Variants in SRGAP1 observed in about 807,000 individuals in gnomAD.
SRGAP1 encodes the protein SLIT-ROBO Rho GTPase-activating protein 1.
Under a neutral mutation model 121.9 loss-of-function variants are expected in SRGAP1, and 43 were observed. The ratio of observed to expected loss-of-function variants is 0.35; its 90% CI spans 0.28 to 0.46. The LOEUF is 0.46. SRGAP1 is among the 20% of genes least tolerant of loss of function. The pLI is 1.00. For missense variants in SRGAP1, 1,102 were observed against 1,350.9 expected (o/e 0.82, Z 2.89); for synonymous variants, 447 against 485.4 (o/e 0.92, Z 1.04).
At chr12:63,969,821 T>G (rs147214183) in intron 1 of SRGAP1, among the ~76,000 whole-genome samples, 1,943 of 151,222 alleles carry the variant, frequency 0.013, 22 homozygotes, top group Non-Finnish European at 0.02. Context: ...AACTAAAAAA[T>G]CTACTGTCCT....
intron 6 of SRGAP1, among the ~76,000 whole-genome samples, chr12:64,058,844 T>C (rs1327532052): frequency 6.6e-6 from 1 of 152,180 alleles, no homozygotes. Context: ...GTGACTAGCC[T>C]TGCTGTCTCA....
intron 1 of SRGAP1, among the ~76,000 whole-genome samples, chr12:63,931,391 G>GA (rs903754768): frequency 7.9e-5 from 12 of 152,252 alleles, no homozygotes; most frequent in African/African-American, 2.9e-4. Flanking sequence ...CATTTCACTG[G>GA]AAAAAATTTT....
At chr12:63,872,480 C>T (rs1342889384) in intron 1 of SRGAP1, among the ~76,000 whole-genome samples, 1 of 152,186 alleles carries the variant, frequency 6.6e-6, no homozygotes, top group Non-Finnish European at 1.5e-5. Context: ...TTTGTCCTTT[C>T]TCCTTTTTTC....
chr12:64,135,364 G>C (rs2036842763), intron 21 of SRGAP1, among the ~76,000 whole-genome samples: 1 of 152,138 alleles, frequency 6.6e-6, no homozygotes, highest in African/African-American at 2.4e-5. Flanking sequence ...TTCTTTATCT[G>C]TGGGAGATAA....
At chr12:64,129,975 G>GTTTGTTGTT (rs148026849) in intron 21 of SRGAP1, among the ~76,000 whole-genome samples, 99 of 151,236 alleles carry the variant, frequency 6.5e-4, no homozygotes, top group Middle Eastern at 3.4e-3. Context: ...AGCAGGTCGT[G>GTTTGTTGTT]GTTGTTGTTG....
chr12:64,055,630 A>G (rs1225966670), intron 6 of SRGAP1, among the ~76,000 whole-genome samples: 1 of 152,042 alleles, frequency 6.6e-6, no homozygotes, highest in Non-Finnish European at 1.5e-5. Flanking sequence ...TAACCAAAAC[A>G]GCATGGTACT....
In SRGAP1 at chr12:63,910,730, C is replaced by T. The variant is rs76308495; in HGVS notation, c.67+65847C>T. Among the ~76,000 whole-genome samples, 1,026 of 152,218 alleles carry T rather than the reference C, an allele frequency of 6.7e-3. 5 individuals carry two copies. The highest frequency in any genetic ancestry group is 0.023 in the African/African-American group (971 of 41,518). The stretch of plus-strand genomic sequence containing the variant: ...TTTGTTGCTCGTGGTTATAGGTACA[C>T]CATAATATTTTCTCTTGTGCTTTTA... On this transcript the variant is annotated intron_variant, in intron 1 of 21. Coordinates refer to ENST00000355086, the MANE Select transcript of SRGAP1 (RefSeq NM_020762.4).
In SRGAP1 at chr12:64,153,295, T is replaced by A. The variant is rs1390648755; in HGVS notation, c.*10623T>A. ...GGCCAGAATGTGGACAGAGATCAGA[T>A]TTTGGAGGCCAAAGTAAGGTACTTA... On this transcript the variant is annotated 3_prime_UTR_variant, in exon 22 of 22. Coordinates refer to ENST00000355086, the MANE Select transcript of SRGAP1 (RefSeq NM_020762.4). 1.3e-5 allele frequency: 2 copies of A among 152,004 alleles called. No individual in the cohort carries two copies. Among genetic ancestry groups the A allele is most frequent in the Admixed American group, 6.6e-5 (1 of 15,250 alleles). 9.4% of individuals were successfully genotyped at this position (152,004 alleles called of 1,614,324 possible). A position where few individuals can be genotyped will look rare whatever the true frequency, so the allele number is the denominator to read the frequency against.
chr12:63,972,576 C>T lies in SRGAP1; in HGVS notation c.68-11371C>T, dbSNP rs961279788. Among the ~76,000 whole-genome samples the T allele has an allele frequency of 3.3e-5, 5 of 152,250 alleles. 1 individual carries two copies. The highest frequency in any genetic ancestry group is 3.3e-4 in the Admixed American group (5 of 15,290). ...TAGTATACTTATTGAAACAGATGTA[C>T]ACCAGAGATAGTTGTTGAGTACCTA... On this transcript the variant is annotated intron_variant, in intron 1 of 21. Coordinates refer to ENST00000355086, the MANE Select transcript of SRGAP1 (RefSeq NM_020762.4).
At chr12:64,014,470 G>C (rs1032655460) in intron 3 of SRGAP1, among the ~76,000 whole-genome samples, 2 of 152,190 alleles carry the variant, frequency 1.3e-5, no homozygotes, top group Non-Finnish European at 2.9e-5. Flanking sequence ...CTGGAGGATG[G>C]AGGCTGGGAG....
At chr12:63,859,862 A>AT (rs1277253068) in intron 1 of SRGAP1, among the ~76,000 whole-genome samples, 253 of 152,266 alleles carry the variant, frequency 1.7e-3, no homozygotes, top group African/African-American at 5.7e-3. Context: ...TCCCTAATAA[A>AT]TATTCATGAT....
At chr12:63,961,783 C>T (rs958685358) in intron 1 of SRGAP1, among the ~76,000 whole-genome samples, 3 of 152,218 alleles carry the variant, frequency 2.0e-5, no homozygotes, top group Non-Finnish European at 2.9e-5. Context: ...AGAGCTGATT[C>T]GTCAATAAAT....
chr12:63,849,250 A>C (rs1385772648), intron 1 of SRGAP1, among the ~76,000 whole-genome samples: 1 of 152,262 alleles, frequency 6.6e-6, no homozygotes, highest in Non-Finnish European at 1.5e-5. Context: ...GAAGGGATTG[A>C]ATAATTGGCT....
chr12:64,052,433 T>C lies in SRGAP1; in HGVS notation c.801+8858T>C, dbSNP rs528904823. 1.6e-4 allele frequency among the ~76,000 whole-genome samples: 24 copies of C among 152,052 alleles called. No individual in the cohort carries two copies. In the South Asian group the frequency reaches 4.8e-3, roughly 30 times the overall value. On this transcript the variant is annotated intron_variant, in intron 6 of 21. Transcript: ENST00000355086. ...AGCCAGGCGTGGTGGTGGGTGCCTATAATCCCAGCTACTCAGGAGGCTGAG... is the reference window on the plus strand; with the variant it reads ...AGCCAGGCGTGGTGGTGGGTGCCTACAATCCCAGCTACTCAGGAGGCTGAG...
chr12:63,903,919 C>T (rs1349561406), intron 1 of SRGAP1, among the ~76,000 whole-genome samples: 2 of 152,184 alleles, frequency 1.3e-5, no homozygotes, highest in African/African-American at 2.4e-5. Context: ...AGGCATGAGC[C>T]ACCACACCCA....
Position 64,014,089 on chromosome 12 carries a change from C to A in SRGAP1, c.427-2861C>A, listed in dbSNP as rs112454546. Among the ~76,000 whole-genome samples the A allele has an allele frequency of 1.9e-3, 284 of 152,268 alleles. 3 individuals carry two copies. The highest frequency in any genetic ancestry group is 6.4e-3 in the African/African-American group (268 of 41,556). ...GTTAGGAACCATTCTAAATACTATG[C>A]ATGAATCATCTTATTAACACTTACA... On this transcript the variant is annotated intron_variant, in intron 3 of 21. Transcript: ENST00000355086.
intron 15 of SRGAP1, among the ~76,000 whole-genome samples, chr12:64,099,640 C>T (rs2036223581): frequency 6.6e-6 from 1 of 152,092 alleles, no homozygotes; most frequent in Middle Eastern, 3.2e-3. Flanking sequence ...AACCTCTGAC[C>T]CAGCTGGAAA....
intron 1 of SRGAP1, among the ~76,000 whole-genome samples, chr12:63,863,407 G>A (rs911338651): frequency 1.3e-5 from 2 of 151,734 alleles, no homozygotes; most frequent in South Asian, 2.1e-4. Flanking sequence ...CAAGTAGCTC[G>A]GATGACAGGC....
rs1020515675 is a variant in SRGAP1 at position 63,994,959 on chromosome 12, G to A, written c.426+4887G>A. On this transcript the variant is annotated intron_variant, in intron 3 of 21. Coordinates refer to ENST00000355086, the MANE Select transcript of SRGAP1 (RefSeq NM_020762.4). ...CATAAAAATGTAATTAATGTCATCTGTCACAGTTGCAGGACAGGCTATCCA... is the reference window on the plus strand; with the variant it reads ...CATAAAAATGTAATTAATGTCATCTATCACAGTTGCAGGACAGGCTATCCA... 5.3e-5 allele frequency among the ~76,000 whole-genome samples: 8 copies of A among 152,362 alleles called. No homozygotes were observed. The South Asian group carries it at 8.3e-4, about 16-fold the overall frequency.
Sources: gnomAD v4.1 joint callset for allele counts (sites outside exome capture counted in the v4.1 genomes callset) on GRCh38, gnomAD v4.1.1 for gene constraint, MANE v1.5 for transcripts, NCBI Gene and HGNC (gene_info 2026-07-23, HGNC 2026-07-21) for gene names.